THRA: variants seen among roughly 807,000 people sequenced by gnomAD.
THRA encodes the protein EAR-7.
In THRA, 13 loss-of-function variants were observed where a neutral mutation model predicts 45.0. The ratio of observed to expected loss-of-function variants is 0.29; its 90% confidence interval spans 0.19 to 0.46. THRA has a LOEUF of 0.46. Ranked by LOEUF, THRA falls within the 20% of genes least tolerant of loss-of-function variation. The pLI is 1.00. For missense variants in THRA, 278 were observed against 556.1 expected (o/e 0.50, Z 5.03); for synonymous variants, 195 against 214.0 (o/e 0.91, Z 0.78).
At chr17:40,078,075 C>T (rs1384804549) in intron 4 of THRA, among the ~76,000 whole-genome samples, 1 of 152,202 alleles carries the variant, frequency 6.6e-6, no homozygotes, top group Non-Finnish European at 1.5e-5. Flanking sequence ...CTAACTTCTT[C>T]GAGCCTTAGT....
At chr17:40,087,539 C>T (rs918944347) in intron 7 of THRA, among the ~76,000 whole-genome samples, 2 of 152,156 alleles carry the variant, frequency 1.3e-5, no homozygotes, top group Non-Finnish European at 2.9e-5. Context: ...AAGAAATCAG[C>T]CGGCTCCAAG....
At position 40,092,984 on chromosome 17, in the gene THRA, A is replaced by C; in HGVS notation, c.*3528A>C. The stretch of plus-strand genomic sequence containing the variant: ...GGAATATTTTATAACAATATAAATA[A>C]GATTCTGGTTTGCTTTTCCTTTTCG... On this transcript the variant is annotated 3_prime_UTR_variant, in exon 9 of 9. Coordinates refer to ENST00000450525, the MANE Select transcript of THRA (RefSeq NM_199334.5). The C allele has an allele frequency of 1.3e-6, 2 of 1,594,410 alleles. No homozygotes were observed. The highest frequency in any genetic ancestry group is 1.7e-4 in the Middle Eastern group (1 of 5,880).
intron 1 of THRA, among the ~76,000 whole-genome samples, chr17:40,071,520 G>A (rs1180516341): frequency 6.6e-6 from 1 of 152,244 alleles, no homozygotes; most frequent in African/African-American, 2.4e-5. Context: ...TATCTCACAA[G>A]GAGGGAGTGG....
intron 6 of THRA, among the ~76,000 whole-genome samples, chr17:40,085,638 A>G (rs1021925634): frequency 1.4e-5 from 2 of 145,416 alleles, no homozygotes; most frequent in African/African-American, 2.6e-5. Context: ...CCCACCCTCT[A>G]TGAATAATTT....
chr17:40,088,669 C>T (rs908037883), intron 8 of THRA, among the ~76,000 whole-genome samples, 169 bp downstream of exon 8: 5 of 151,934 alleles, frequency 3.3e-5, no homozygotes, highest in African/African-American at 7.3e-5. Flanking sequence ...ACTTCTCACT[C>T]GTTCCCCAGG....
intron 4 of THRA, among the ~76,000 whole-genome samples, chr17:40,079,670 G>A (rs961643729): frequency 3.3e-5 from 5 of 152,110 alleles, no homozygotes; most frequent in South Asian, 2.1e-4. Context: ...TACCACACCC[G>A]GTGGCACTGT....
Position 40,089,598 on chromosome 17 carries a change from A to C in THRA, c.*142A>C, listed in dbSNP as rs945792644. On this transcript the variant is annotated 3_prime_UTR_variant, in exon 9 of 9. Transcript: ENST00000450525. The surrounding 1 kb of genome is among the most constrained non-coding windows in gnomAD (Gnocchi z 6.1). ...GGATAGATTCAGCTCCCACACACAC[A>C]CCCGCACTGCCCAGGTCCCTCCTCA... 40 of 1,449,684 alleles carry C rather than the reference A, an allele frequency of 2.8e-5. No individual in the cohort carries two copies. Among genetic ancestry groups the C allele is most frequent in the Non-Finnish European group, 3.2e-5 (35 of 1,107,088 alleles). 89.8% of individuals were successfully genotyped at this position (1,449,684 alleles called of 1,614,324 possible). A position where few individuals can be genotyped will look rare whatever the true frequency, so the allele number is the denominator to read the frequency against.
Position 40,092,888 on chromosome 17 carries a change from A to T in THRA, c.*3432A>T. 1 of 1,304,140 alleles carries T rather than the reference A, an allele frequency of 7.7e-7. No individual in the cohort carries two copies. The highest frequency in any genetic ancestry group is 1.0e-6 in the Non-Finnish European group (1 of 965,576). 80.8% of individuals were successfully genotyped at this position (1,304,140 alleles called of 1,614,324 possible). On this transcript the variant is annotated 3_prime_UTR_variant, in exon 9 of 9. Coordinates refer to ENST00000450525, the MANE Select transcript of THRA (RefSeq NM_199334.5). ...GACAGAGTGGTTTAAATAGGGGAGG[A>T]GGGGAAGTTCGGTGATGGGGGAGGG...
At position 40,092,882 on chromosome 17, in the gene THRA, G is replaced by GGGA; in HGVS notation, c.*3432_*3434dup. ...GGGGGAGACAGAGTGGTTTAAATAG[G>GGGA]GGAGGAGGGGAAGTTCGGTGATGGG... On this transcript the variant is annotated 3_prime_UTR_variant, in exon 9 of 9. Transcript: ENST00000450525. 7.9e-7 allele frequency: 1 copy of GGGA among 1,266,902 alleles called. No homozygotes were observed. The highest frequency in any genetic ancestry group is 1.1e-6 in the Non-Finnish European group (1 of 931,972). The allele number at this position is 1,266,902 out of a possible 1,614,324, so 78.5% of individuals were successfully genotyped here.
chr17:40,066,674 AAAAAAAAAAAGAAAAAC>A (rs61441958), intron 1 of THRA, among the ~76,000 whole-genome samples: 33,068 of 141,108 alleles, frequency 0.23, 3,982 homozygotes, highest in Admixed American at 0.36. Context: ...AAAAAAAAAA[AAAAAAAAAAAGAAAAAC>A]AAAAAAGAAC....
chr17:40,075,256 G>A (rs997492570), intron 2 of THRA, among the ~76,000 whole-genome samples: 1 of 151,630 alleles, frequency 6.6e-6, no homozygotes, highest in African/African-American at 2.4e-5. Flanking sequence ...CAGTTGGCAC[G>A]GTGCCCTGGG....
Position 40,086,814 on chromosome 17 carries a change from T to G in THRA, c.684T>G (p.Arg228=). 6.2e-7 allele frequency: 1 copy of G among 1,614,102 alleles called. No individual in the cohort carries two copies. Among genetic ancestry groups the G allele is most frequent in the Non-Finnish European group, 8.5e-7 (1 of 1,180,012 alleles). ...AGATCATCACCCCGGCCATCACCCG[T>G]GTGGTGGACTTTGCCAAAAAACTGC... ...FTKIITPAIT[R]VVDFAKKLPM... is the part of the protein sequence containing the mutation. Residue 228 remains arginine (R), a synonymous_variant, in exon 7 of 9, where the codon CGT becomes CGG. Coordinates refer to ENST00000450525, the MANE Select transcript of THRA (RefSeq NM_199334.5).
At chr17:40,077,242 G>A (rs112664727) in intron 3 of THRA, among the ~76,000 whole-genome samples, 2,144 of 152,268 alleles carry the variant, frequency 0.014, 61 homozygotes, top group African/African-American at 0.049. Context: ...AGCAGCTGAC[G>A]TTTATTTTTC....
At chr17:40,077,761 G>A (rs965774438) in intron 4 of THRA, among the ~76,000 whole-genome samples, 153 bp downstream of exon 4, 4 of 151,976 alleles carry the variant, frequency 2.6e-5, no homozygotes, top group Non-Finnish European at 4.4e-5. Context: ...GCAGTGGCGC[G>A]ATCATGGCTC....
chr17:40,084,088 T>A, intron 5 of THRA, 106 bp downstream of exon 5: 1 of 1,336,368 alleles, frequency 7.5e-7, no homozygotes, highest in Non-Finnish European at 1.0e-6. Context: ...CAGGGCAGAG[T>A]GGCAATCCAG....
At chr17:40,084,005 A>G in intron 5 of THRA, 23 bp downstream of exon 5, 1 of 1,594,548 alleles carries the variant, frequency 6.3e-7, no homozygotes, top group Non-Finnish European at 8.6e-7. Flanking sequence ...GGTGGAGGGA[A>G]TAGAGCCAGG....
rs1388199129 is a variant in THRA at position 40,090,835 on chromosome 17, C to T, written c.*1379C>T. On this transcript the variant is annotated 3_prime_UTR_variant, in exon 9 of 9. Transcript: ENST00000450525. ...TGCCCCTCTGCCCCGGGACCCCTTC[C>T]CCTCTTCTTTTCTCTAATTCAGGGA... 6.6e-6 allele frequency: 1 copy of T among 152,314 alleles called. No homozygotes were observed. The highest frequency in any genetic ancestry group is 1.5e-5 in the Non-Finnish European group (1 of 68,170). 9.4% of individuals were successfully genotyped at this position (152,314 alleles called of 1,614,324 possible). A position where few individuals can be genotyped will look rare whatever the true frequency, so the allele number is the denominator to read the frequency against.
intron 1 of THRA, among the ~76,000 whole-genome samples, chr17:40,070,508 G>A (rs1033043354): frequency 2.0e-5 from 3 of 152,320 alleles, no homozygotes; most frequent in African/African-American, 7.2e-5. Flanking sequence ...CCTTGGTGTG[G>A]GTGGCTGCCT....
At chr17:40,082,757 G>GTTT (rs1987185480) in intron 4 of THRA, among the ~76,000 whole-genome samples, 1 of 108,054 alleles carries the variant, frequency 9.3e-6, no homozygotes, top group Non-Finnish European at 1.9e-5. Context: ...AGAATCGCAT[G>GTTT]CTTTTTTTTT....
Sources: gnomAD v4.1 joint callset for allele counts (sites outside exome capture counted in the v4.1 genomes callset) on GRCh38, gnomAD v4.1.1 for gene constraint, Gnocchi (gnomAD v3.1) non-coding constraint, MANE v1.5 for transcripts, NCBI Gene and HGNC (gene_info 2026-07-23, HGNC 2026-07-21) for gene names.